The following WWC2 variants were observed in gnomAD, a reference collection of about 807,000 sequenced individuals.
WWC2 encodes the protein protein WWC2.
In WWC2, 101 loss-of-function variants were observed where a neutral mutation model predicts 138.5. That is an observed-to-expected ratio of 0.73 (90% CI 0.62 to 0.86). The LOEUF (loss-of-function observed/expected upper bound fraction) is 0.86, where lower values mean the gene tolerates loss of function less well. Ranked by LOEUF, WWC2 falls within the 40% of genes least tolerant of loss-of-function variation. WWC2 has a pLI of 0.00. For missense variants in WWC2, 1,420 were observed against 1,419.4 expected, an observed-to-expected ratio of 1.00 and a Z score of -0.01; for synonymous variants, 558 against 538.4, an observed-to-expected ratio of 1.04 and a Z score of -0.50.
At chr4:183,158,302 G>T (rs1234801261) in intron 1 of WWC2, among the ~76,000 whole-genome samples, 2 of 152,086 alleles carry the variant, frequency 1.3e-5, no homozygotes, top group Admixed American at 6.6e-5. Flanking sequence ...AGTTTGTAGG[G>T]CTGCCATAAC....
chr4:183,267,835 T>C (rs1023742473), intron 14 of WWC2, among the ~76,000 whole-genome samples: 1 of 152,218 alleles, frequency 6.6e-6, no homozygotes, highest in Non-Finnish European at 1.5e-5. Context: ...AACCCACATG[T>C]AAAAGCCTTG....
intron 5 of WWC2, among the ~76,000 whole-genome samples, chr4:183,240,804 G>T (rs1441059699): frequency 6.6e-6 from 1 of 152,168 alleles, no homozygotes; most frequent in African/African-American, 2.4e-5. Flanking sequence ...TCACTTCCTG[G>T]TTCCTCTACC....
At chr4:183,102,986 G>A (rs1345603500) in intron 1 of WWC2, among the ~76,000 whole-genome samples, 1 of 151,860 alleles carries the variant, frequency 6.6e-6, no homozygotes, top group Non-Finnish European at 1.5e-5. Context: ...GATAGGGTGG[G>A]TTGGCTTTAC....
At position 183,253,900 on chromosome 4, in the gene WWC2, G is replaced by A. The variant is rs780813875; in HGVS notation, c.1097G>A (p.Arg366His). Residue 366 changes from arginine (R) to histidine (H), a missense_variant, in exon 9 of 23, where the codon CGT becomes CAT. Transcript: ENST00000403733. ...KELQFVTPQK[R>H]TQDELERLEA... ...CTTCAGTTCGTCACCCCACAGAAAC[G>A]TACCCAAGATGAATTAGAACGCCTA... 1.1e-5 allele frequency: 17 copies of A among 1,613,672 alleles called. No individual in the cohort carries two copies. In the South Asian group the frequency reaches 1.6e-4, roughly 16 times the overall value.
chr4:183,173,883 A>T (rs1426618631), intron 1 of WWC2, among the ~76,000 whole-genome samples: 2 of 152,090 alleles, frequency 1.3e-5, no homozygotes, highest in African/African-American at 4.8e-5. Flanking sequence ...CATATTTAAG[A>T]ATGAGGCACA....
intron 16 of WWC2, among the ~76,000 whole-genome samples, chr4:183,273,632 A>G (rs1737766803): frequency 6.6e-6 from 1 of 152,170 alleles, no homozygotes; most frequent in East Asian, 1.9e-4. Flanking sequence ...GACTTATAAG[A>G]GTTCCTTACC....
chr4:183,242,504 C>T (rs1736654779), intron 5 of WWC2, among the ~76,000 whole-genome samples: 1 of 152,280 alleles, frequency 6.6e-6, no homozygotes, highest in Non-Finnish European at 1.5e-5. Flanking sequence ...AATTTGACTT[C>T]GGCCTAAGCA....
At position 183,245,432 on chromosome 4, in the gene WWC2, T is replaced by C; in HGVS notation, c.619T>C (p.Ser207Pro). The C allele has an allele frequency of 1.3e-6, 2 of 1,561,062 alleles. No individual in the cohort carries two copies. The highest frequency in any genetic ancestry group is 2.3e-5 in the East Asian group (1 of 43,206). ...ETLQQIDKKM[S>P]GGQSGYELSE... ...TTTTCACAGAATTGATAAAAAAATGTCTGGAGGCCAGAGCGGGTATGAACT... is the reference window on the plus strand; with the variant it reads ...TTTTCACAGAATTGATAAAAAAATGCCTGGAGGCCAGAGCGGGTATGAACT... The change falls in exon 6 of 23, where the codon TCT becomes CCT. Residue 207 changes from serine (S) to proline (P), a missense_variant. Physicochemically the swap from Ser to Pro is moderately conservative, Grantham distance 74 (BLOSUM62 -1). Transcript: ENST00000403733.
At chr4:183,309,250 T>C (rs542142802) in intron 21 of WWC2, among the ~76,000 whole-genome samples, 1 of 152,276 alleles carries the variant, frequency 6.6e-6, no homozygotes, top group African/African-American at 2.4e-5. Context: ...TGGACTTCGT[T>C]ATAATTTAAA....
chr4:183,263,100 A>G (rs1279962055), intron 11 of WWC2, among the ~76,000 whole-genome samples: 1 of 152,216 alleles, frequency 6.6e-6, no homozygotes, highest in Non-Finnish European at 1.5e-5. Flanking sequence ...ACTGTAAACC[A>G]TGGAAAGCTA....
chr4:183,159,232 CA>C (rs1733889657), intron 1 of WWC2, among the ~76,000 whole-genome samples: 1 of 152,196 alleles, frequency 6.6e-6, no homozygotes, highest in African/African-American at 2.4e-5. Flanking sequence ...TTTTTACTTA[CA>C]GGTAATTTGA....
chr4:183,236,650 A>G (rs1736432984), intron 4 of WWC2, among the ~76,000 whole-genome samples: 1 of 152,196 alleles, frequency 6.6e-6, no homozygotes, highest in Non-Finnish European at 1.5e-5. Context: ...TCAATTATAG[A>G]AGTATGAAGT....
intron 4 of WWC2, among the ~76,000 whole-genome samples, chr4:183,214,540 C>T (rs987169932): frequency 1.3e-5 from 2 of 152,038 alleles, no homozygotes; most frequent in African/African-American, 4.8e-5. Flanking sequence ...TGCCTGTAAT[C>T]CCAGCACTTT....
Position 183,263,886 on chromosome 4 carries a change from T to C in WWC2, c.1910-1092T>C, listed in dbSNP as rs549197212. ...CATCTCCCTCAGTGCTCTAGAGGCT[T>C]AGGCAGGTAAAGTCAAGTCCCTTTT... On this transcript the variant is annotated intron_variant, in intron 11 of 22. Coordinates refer to ENST00000403733, the MANE Select transcript of WWC2 (RefSeq NM_024949.6). 5.3e-5 allele frequency among the ~76,000 whole-genome samples: 8 copies of C among 152,326 alleles called. No homozygotes were observed. In the South Asian group the frequency reaches 1.4e-3, roughly 28 times the overall value.
intron 1 of WWC2, among the ~76,000 whole-genome samples, chr4:183,153,185 G>A (rs1433450018): frequency 6.6e-6 from 1 of 152,212 alleles, no homozygotes; most frequent in Non-Finnish European, 1.5e-5. Flanking sequence ...CATTGCAGGT[G>A]TGAGCCACTG....
chr4:183,320,107 G>A lies in WWC2; in HGVS notation c.*4378G>A, dbSNP rs774234870. 1.2e-6 allele frequency: 2 copies of A among 1,614,144 alleles called. No individual in the cohort carries two copies. Among genetic ancestry groups the A allele is most frequent in the Non-Finnish European group, 1.7e-6 (2 of 1,180,024 alleles). ...CAGTTTTCCATTTCATTTAAGTCCA[G>A]GTTGAGGTTCTTCCAGTGTGGCAGG... On this transcript the variant is annotated 3_prime_UTR_variant, in exon 23 of 23. Transcript: ENST00000403733.
Position 183,292,587 on chromosome 4 carries a change from T to C in WWC2, c.3384+2952T>C, listed in dbSNP as rs148401366. 2.2e-3 allele frequency among the ~76,000 whole-genome samples: 323 copies of C among 150,140 alleles called. 1 individual carries two copies. Among genetic ancestry groups the C allele is most frequent in the African/African-American group, 7.3e-3 (296 of 40,786 alleles). Reference sequence around the variant, plus strand: ...GGATGTTTGGAAAGAATAAAAAGGATAGAAAATCCTATAACTCTTTAAAAA... The same window carrying C: ...GGATGTTTGGAAAGAATAAAAAGGACAGAAAATCCTATAACTCTTTAAAAA... On this transcript the variant is annotated intron_variant, in intron 21 of 22. Transcript: ENST00000403733.
At chr4:183,190,757 T>C (rs1734967623) in intron 1 of WWC2, among the ~76,000 whole-genome samples, 1 of 152,204 alleles carries the variant, frequency 6.6e-6, no homozygotes, top group African/African-American at 2.4e-5. Flanking sequence ...CAGTGACAAT[T>C]AAATGCTTAT....
rs112078683 is a variant in WWC2 at position 183,271,353 on chromosome 4, C to G, written c.2562+112C>G. On this transcript the variant is annotated intron_variant, in intron 16 of 22. Transcript: ENST00000403733. ...CTACGAGACCAACATGCTTTTATCA[C>G]TTTCACTGTCCTTCCTTTTCTCCTT... 277 of 809,620 alleles carry G rather than the reference C, an allele frequency of 3.4e-4. No homozygotes were observed. The African/African-American group carries it at 4.4e-3, about 13-fold the overall frequency. 50.2% of individuals were successfully genotyped at this position (809,620 alleles called of 1,614,324 possible).
Sources: allele counts gnomAD v4.1 joint callset (sites outside exome capture counted in the v4.1 genomes callset), GRCh38; gene constraint gnomAD v4.1.1; transcripts MANE v1.5; gene names NCBI Gene and HGNC (gene_info 2026-07-23, HGNC 2026-07-21).